The following EHMT1 variants were observed in gnomAD, a reference collection of about 807,000 sequenced individuals.
EHMT1 encodes euchromatic histone lysine methyltransferase 1.
EHMT1 carries 15 observed loss-of-function variants against 147.2 expected under a neutral mutation model. That is an observed-to-expected ratio of 0.10 (90% CI 0.07 to 0.16). The LOEUF is 0.16. Among genes scored for constraint, EHMT1 ranks in the 10% least tolerant of loss-of-function variants. The pLI, the probability that EHMT1 is intolerant of heterozygous loss-of-function variation, is 1.00. For synonymous variants in EHMT1, 795 were observed against 709.6 expected, an observed-to-expected ratio of 1.12 and a Z score of -1.91; for missense variants, 1,587 against 1,772.4, an observed-to-expected ratio of 0.90 and a Z score of 1.88.
intron 4 of EHMT1, among the ~76,000 whole-genome samples, chr9:137,738,129 G>A (rs1191620721): frequency 2.0e-5 from 3 of 151,978 alleles, no homozygotes; most frequent in African/African-American, 7.3e-5. Flanking sequence ...GAGTGGTAGA[G>A]GTTGCAGTGA....
At chr9:137,663,878 A>G (rs1165320022) in intron 1 of EHMT1, among the ~76,000 whole-genome samples, 3 of 152,310 alleles carry the variant, frequency 2.0e-5, no homozygotes, top group Non-Finnish European at 2.9e-5. Flanking sequence ...TTTTGCTAGT[A>G]TATCTGTAGA....
chr9:137,716,685 G>T lies in EHMT1; in HGVS notation c.145G>T (p.Ala49Ser), dbSNP rs1372403007. 8.1e-6 allele frequency: 13 copies of T among 1,605,422 alleles called. No individual in the cohort carries two copies. Among genetic ancestry groups the T allele is most frequent in the Non-Finnish European group, 1.0e-5 (12 of 1,174,070 alleles). ...GAAACAGGCAGGAGAGGCCCACATG[G>T]CTGCGGACGGTGAGACCAATGGGTC... is the stretch of plus-strand genomic sequence containing the variant. Reference protein sequence around the residue: ...AEKQAGEAHMAADGETNGSCE... With the variant: ...AEKQAGEAHMSADGETNGSCE... Residue 49 changes from alanine (A) to serine (S), a missense_variant, in exon 3 of 27, where the codon GCT becomes TCT. Around this residue, in one of 7 missense-constraint regions of EHMT1, gnomAD observed 810 missense variants for 673.0 expected, o/e 1.20. Transcript: ENST00000460843.
At chr9:137,795,864 A>G (rs766057618) in intron 16 of EHMT1, among the ~76,000 whole-genome samples, 1 of 152,228 alleles carries the variant, frequency 6.6e-6, no homozygotes, top group Non-Finnish European at 1.5e-5. Flanking sequence ...AAGAAAATAA[A>G]ACAAATAGAG....
chr9:137,705,874 C>T (rs569115257), intron 1 of EHMT1, among the ~76,000 whole-genome samples: 8 of 152,330 alleles, frequency 5.3e-5, no homozygotes, highest in Non-Finnish European at 1.2e-4. Flanking sequence ...GAGAGGCCCA[C>T]GGTCCCCTCC....
Position 137,776,641 on chromosome 9 carries a change from C to T in EHMT1, c.1815C>T (p.Pro605=), listed in dbSNP as rs376363072. 19 of 1,613,930 alleles carry T rather than the reference C, an allele frequency of 1.2e-5. No individual in the cohort carries two copies. Among genetic ancestry groups the T allele is most frequent in the Non-Finnish European group, 1.4e-5 (16 of 1,180,028 alleles). The change falls in exon 12 of 27, where the codon CCC becomes CCT. Residue 605 remains proline (P), a synonymous_variant. Transcript: ENST00000460843. The surrounding 1 kb of genome is among the most constrained non-coding windows in gnomAD (Gnocchi z 4.4). The part of the protein sequence containing the change: ...CTAGNFMECQ[P]ESSISHRFHK... Reference sequence around the variant, plus strand: ...AGGGTAATTTTATGGAGTGTCAGCCCGAGAGCAGCATCTCTCACCGTTTCC... The same window carrying T: ...AGGGTAATTTTATGGAGTGTCAGCCTGAGAGCAGCATCTCTCACCGTTTCC...
chr9:137,753,884 C>A (rs555385839), intron 7 of EHMT1, among the ~76,000 whole-genome samples: 2 of 152,114 alleles, frequency 1.3e-5, no homozygotes, highest in African/African-American at 2.4e-5. Flanking sequence ...GTAGAACTTT[C>A]CAATTTATTT....
intron 16 of EHMT1, among the ~76,000 whole-genome samples, chr9:137,796,703 C>CAAAA (rs11449759): frequency 3.5e-5 from 3 of 85,850 alleles, no homozygotes; most frequent in Non-Finnish European, 2.1e-5. Context: ...GACTCCATCT[C>CAAAA]AAAAAAAAAA....
chr9:137,730,691 A>G (rs775979395), intron 4 of EHMT1, among the ~76,000 whole-genome samples: 4 of 152,134 alleles, frequency 2.6e-5, no homozygotes, highest in Non-Finnish European at 5.9e-5. Flanking sequence ...CATTGTCCCA[A>G]GTTTGTCCAG....
At chr9:137,748,214 T>C (rs573541285) in intron 6 of EHMT1, among the ~76,000 whole-genome samples, 1 of 152,366 alleles carries the variant, frequency 6.6e-6, no homozygotes, top group African/African-American at 2.4e-5. Flanking sequence ...TTTGCTGTGG[T>C]GGCTGACACT....
At chr9:137,647,860 G>A (rs1448143861) in intron 1 of EHMT1, among the ~76,000 whole-genome samples, 1 of 152,104 alleles carries the variant, frequency 6.6e-6, no homozygotes, top group Non-Finnish European at 1.5e-5. Context: ...GCCTCCCAAG[G>A]TGTTGGGATT....
At chr9:137,762,182 AATGGGC>A (rs1244500629) in intron 9 of EHMT1, among the ~76,000 whole-genome samples, 8 of 152,080 alleles carry the variant, frequency 5.3e-5, no homozygotes, top group South Asian at 2.1e-4. Flanking sequence ...CAGCCTAATA[AATGGGC>A]TCTTTGGACT....
intron 1 of EHMT1, among the ~76,000 whole-genome samples, chr9:137,639,689 A>G (rs1413301733): frequency 6.6e-6 from 1 of 152,042 alleles, no homozygotes; most frequent in Non-Finnish European, 1.5e-5. Flanking sequence ...ATCTCTTTGT[A>G]TCTTCAATCG....
At chr9:137,728,917 G>A (rs918504957) in intron 4 of EHMT1, among the ~76,000 whole-genome samples, 3 of 152,142 alleles carry the variant, frequency 2.0e-5, no homozygotes, top group Admixed American at 6.5e-5. Context: ...ACCACCGCCC[G>A]CTCCAGCTGC....
intron 15 of EHMT1, among the ~76,000 whole-genome samples, chr9:137,783,482 G>T (rs117852987): frequency 6.6e-6 from 1 of 152,130 alleles, no homozygotes; most frequent in Non-Finnish European, 1.5e-5. Context: ...ATGGTATTAT[G>T]GTTATTTTGA....
At chr9:137,708,696 G>C (rs1469586919) in intron 1 of EHMT1, among the ~76,000 whole-genome samples, 1 of 152,180 alleles carries the variant, frequency 6.6e-6, no homozygotes, top group East Asian at 1.9e-4. Flanking sequence ...AATACTACTG[G>C]TTGTTTTCTT....
chr9:137,710,427 C>A (rs368807319), intron 1 of EHMT1, among the ~76,000 whole-genome samples: 2 of 152,198 alleles, frequency 1.3e-5, no homozygotes, highest in Non-Finnish European at 2.9e-5. Flanking sequence ...GAGCCGAGAT[C>A]GCGCCACTGT....
At chr9:137,690,220 T>C (rs1942818627) in intron 1 of EHMT1, among the ~76,000 whole-genome samples, 1 of 152,186 alleles carries the variant, frequency 6.6e-6, no homozygotes, top group South Asian at 2.1e-4. Context: ...ATGGACGTCA[T>C]GTAGAATTTG....
Position 137,624,630 on chromosome 9 carries a change from T to G in EHMT1, c.21+5581T>G, listed in dbSNP as rs1039759768. On this transcript the variant is annotated intron_variant, in intron 1 of 26. Coordinates refer to ENST00000460843, the MANE Select transcript of EHMT1 (RefSeq NM_024757.5). Reference sequence around the variant, plus strand: ...CCACCATGCCTGGACTCCAGCTGATTTTTGTATTTTTAGTTGGGATGGGGT... The same window carrying G: ...CCACCATGCCTGGACTCCAGCTGATGTTTGTATTTTTAGTTGGGATGGGGT... 2.0e-5 allele frequency among the ~76,000 whole-genome samples: 3 copies of G among 151,940 alleles called. No individual in the cohort carries two copies. The East Asian group carries it at 5.8e-4, about 30-fold the overall frequency.
At chr9:137,752,505 T>G in intron 7 of EHMT1, 97 bp downstream of exon 7, 1 of 1,416,918 alleles carries the variant, frequency 7.1e-7, no homozygotes, top group Non-Finnish European at 9.8e-7. Context: ...CCTTGTTGCC[T>G]GAGCGCTCAC....
Sources: allele counts gnomAD v4.1 joint callset (sites outside exome capture counted in the v4.1 genomes callset), GRCh38; gene constraint gnomAD v4.1.1; regional missense constraint gnomAD v4.1.1; non-coding constraint Gnocchi (gnomAD v3.1); transcripts MANE v1.5; gene names NCBI Gene and HGNC (gene_info 2026-07-23, HGNC 2026-07-21).